The following MAP3K3 variants were observed in gnomAD, a reference collection of about 807,000 sequenced individuals.
MAP3K3 encodes the protein mitogen-activated protein kinase kinase kinase 3.
MAP3K3 carries 12 observed loss-of-function variants against 80.9 expected under a neutral mutation model. The ratio of observed to expected loss-of-function variants is 0.15; its 90% CI spans 0.10 to 0.24. The LOEUF is 0.24. Ranked by LOEUF, MAP3K3 falls within the 10% of genes least tolerant of loss-of-function variation. The pLI is 1.00. For synonymous variants in MAP3K3, 272 were observed against 307.1 expected, an observed-to-expected ratio of 0.89 and a Z score of 1.19; for missense variants, 596 against 834.7, an observed-to-expected ratio of 0.71 and a Z score of 3.52.
intron 2 of MAP3K3, among the ~76,000 whole-genome samples, chr17:63,638,937 A>C (rs1179782027): frequency 6.6e-6 from 1 of 152,050 alleles, no homozygotes; most frequent in Non-Finnish European, 1.5e-5. Context: ...GAGGTGGGAG[A>C]ATCGCTTGTA....
Position 63,681,834 on chromosome 17 carries a change from C to T in MAP3K3, c.571C>T (p.Arg191Trp). 2 of 1,546,882 alleles carry T rather than the reference C, an allele frequency of 1.3e-6. No homozygotes were observed. Among genetic ancestry groups the T allele is most frequent in the Non-Finnish European group, 8.8e-7 (1 of 1,142,374 alleles). Residue 191 changes from arginine (R) to tryptophan (W), a missense_variant, in exon 7 of 16, where the codon CGG becomes TGG. Around this residue, in one of 2 missense-constraint regions of MAP3K3, gnomAD observed 232 missense variants for 245.8 expected, o/e 0.94. Transcript: ENST00000361733. ...TCCTGAGCGGCAGCAGCACATTGCC[C>T]GGCAGGGGTCCTACACCAGCATCAA... Reference protein sequence around the residue: ...YVPERQQHIARQGSYTSINSE... With the variant: ...YVPERQQHIAWQGSYTSINSE...
chr17:63,646,328 G>T (rs1192019529), intron 3 of MAP3K3, among the ~76,000 whole-genome samples: 1 of 152,182 alleles, frequency 6.6e-6, no homozygotes, highest in African/African-American at 2.4e-5. Flanking sequence ...CTGCTGTGAG[G>T]TCTGACATTT....
Position 63,681,797 on chromosome 17 carries a change from C to T in MAP3K3, c.534C>T (p.Pro178=). 6.5e-7 allele frequency: 1 copy of T among 1,540,226 alleles called. No individual in the cohort carries two copies. The highest frequency in any genetic ancestry group is 8.8e-7 in the Non-Finnish European group (1 of 1,138,814). The change falls in exon 7 of 16, where the codon CCC becomes CCT. Residue 178 remains proline (P), a synonymous_variant. Transcript: ENST00000361733. ...AGAACCCTGGCCGAAGCTCACCTCC[C>T]CCTGGCTATGTTCCTGAGCGGCAGC... ...SSQNPGRSSP[P]PGYVPERQQH... is the part of the protein sequence containing the mutation.
intron 2 of MAP3K3, among the ~76,000 whole-genome samples, chr17:63,637,640 T>C (rs1362676815): frequency 2.6e-5 from 4 of 152,220 alleles, no homozygotes; most frequent in Non-Finnish European, 4.4e-5. Flanking sequence ...CAACTGTCCA[T>C]AGTGTTGTGG....
At chr17:63,642,897 A>G (rs2034471362) in intron 2 of MAP3K3, among the ~76,000 whole-genome samples, 1 of 151,828 alleles carries the variant, frequency 6.6e-6, no homozygotes, top group Admixed American at 6.6e-5. Flanking sequence ...AGCTAAGACT[A>G]CAGGCGTGTG....
intron 2 of MAP3K3, among the ~76,000 whole-genome samples, chr17:63,639,674 C>T (rs1598069168): frequency 6.6e-6 from 1 of 151,954 alleles, no homozygotes; most frequent in Non-Finnish European, 1.5e-5. Flanking sequence ...TGATGCCTCC[C>T]CACATTTCTG....
chr17:63,668,463 T>A (rs1419587517), intron 6 of MAP3K3: 1 of 152,296 alleles, frequency 6.6e-6, no homozygotes, highest in African/African-American at 2.4e-5. Context: ...TCTCTGGCCC[T>A]GGAATCTGTG....
Position 63,689,007 on chromosome 17 carries a change from T to G in MAP3K3, c.871+126T>G. On this transcript the variant is annotated intron_variant, in intron 10 of 15. Transcript: ENST00000361733. The surrounding 1 kb of genome is among the most constrained non-coding windows in gnomAD (Gnocchi z 4.3). Reference sequence around the variant, plus strand: ...TTCCTGAGGATTTGTGGCCCAGACTTGAGGCATGGGAGACAGGAAAAAAAC... The same window carrying G: ...TTCCTGAGGATTTGTGGCCCAGACTGGAGGCATGGGAGACAGGAAAAAAAC... 1.4e-6 allele frequency: 1 copy of G among 695,740 alleles called. No homozygotes were observed. Among genetic ancestry groups the G allele is most frequent in the Non-Finnish European group, 2.5e-6 (1 of 396,400 alleles). The allele number at this position is 695,740 out of a possible 1,614,324, so 43.1% of individuals were successfully genotyped here. A position where few individuals can be genotyped will look rare whatever the true frequency, so the allele number is the denominator to read the frequency against.
intron 4 of MAP3K3, 35 bp downstream of exon 4, chr17:63,652,691 G>A: frequency 1.5e-6 from 2 of 1,372,212 alleles, no homozygotes; most frequent in Non-Finnish European, 2.1e-6. Flanking sequence ...GGGACAAGAG[G>A]GGCAGATGCC....
At chr17:63,627,616 A>G (rs148316884) in intron 1 of MAP3K3, among the ~76,000 whole-genome samples, 68 of 151,336 alleles carry the variant, frequency 4.5e-4, no homozygotes, top group Non-Finnish European at 8.0e-4. Context: ...CTAATTTTGT[A>G]TTTTTAGTAG....
intron 2 of MAP3K3, among the ~76,000 whole-genome samples, chr17:63,636,189 A>T (rs757799496): frequency 2.0e-5 from 3 of 152,236 alleles, no homozygotes; most frequent in African/African-American, 7.2e-5. Flanking sequence ...GACTTGAGAC[A>T]TCCTTTTCCC....
chr17:63,646,918 A>G (rs1399349855), intron 3 of MAP3K3, among the ~76,000 whole-genome samples: 1 of 152,126 alleles, frequency 6.6e-6, no homozygotes, highest in Non-Finnish European at 1.5e-5. Flanking sequence ...TTTCTTTCCC[A>G]TTGATATACT....
At chr17:63,659,449 C>A (rs2034838872) in intron 5 of MAP3K3, among the ~76,000 whole-genome samples, 1 of 151,950 alleles carries the variant, frequency 6.6e-6, no homozygotes, top group Admixed American at 6.6e-5. Context: ...GGAATCCTCA[C>A]CTCTAGAACA....
At chr17:63,679,432 G>A (rs938062004) in intron 6 of MAP3K3, among the ~76,000 whole-genome samples, 1 of 152,146 alleles carries the variant, frequency 6.6e-6, no homozygotes, top group Non-Finnish European at 1.5e-5. Context: ...AGTCCCTGGT[G>A]CACTACCTCT....
In MAP3K3 at chr17:63,696,072, C is replaced by G. The variant is rs1427813438; in HGVS notation, c.*2295C>G. 6.6e-6 allele frequency: 1 copy of G among 152,474 alleles called. No homozygotes were observed. The highest frequency in any genetic ancestry group is 2.4e-5 in the African/African-American group (1 of 41,396). The allele number at this position is 152,474 out of a possible 1,614,324, so 9.4% of individuals were successfully genotyped here. A position where few individuals can be genotyped will look rare whatever the true frequency, so the allele number is the denominator to read the frequency against. ...ATTCCATGGGGTGTGTCTGCCTGGGCCAACTCTGCATGGAGAGGCCAGGGC... is the reference window on the plus strand; with the variant it reads ...ATTCCATGGGGTGTGTCTGCCTGGGGCAACTCTGCATGGAGAGGCCAGGGC... On this transcript the variant is annotated 3_prime_UTR_variant, in exon 16 of 16. Coordinates refer to ENST00000361733, the MANE Select transcript of MAP3K3 (RefSeq NM_002401.5).
chr17:63,632,579 T>C (rs2034238914), intron 1 of MAP3K3, 102 bp from the exon 2 acceptor site: 2 of 1,369,670 alleles, frequency 1.5e-6, no homozygotes, highest in Non-Finnish European at 2.0e-6. Context: ...GTCTGTCATT[T>C]TACCTGGGCA....
chr17:63,657,056 G>A (rs1012366108), intron 4 of MAP3K3, among the ~76,000 whole-genome samples: 3 of 152,120 alleles, frequency 2.0e-5, no homozygotes, highest in Admixed American at 1.3e-4. Flanking sequence ...TAATTAAACC[G>A]TGCTATGCAG....
chr17:63,652,729 C>A, intron 4 of MAP3K3, 73 bp downstream of exon 4: 1 of 991,062 alleles, frequency 1.0e-6, no homozygotes, highest in Non-Finnish European at 1.6e-6. Flanking sequence ...TTTACCAGAG[C>A]CTTTAAAGTT....
intron 6 of MAP3K3, among the ~76,000 whole-genome samples, chr17:63,670,530 T>G (rs1598101167): frequency 7.6e-6 from 1 of 131,200 alleles, no homozygotes; most frequent in African/African-American, 3.0e-5. Context: ...CTGCAGTGAG[T>G]GGAGATTGCA....
Sources: allele counts gnomAD v4.1 joint callset (sites outside exome capture counted in the v4.1 genomes callset), GRCh38; gene constraint gnomAD v4.1.1; regional missense constraint gnomAD v4.1.1; non-coding constraint Gnocchi (gnomAD v3.1); transcripts MANE v1.5; gene names NCBI Gene and HGNC (gene_info 2026-07-23, HGNC 2026-07-21).